COL5A3: variants seen among roughly 807,000 people sequenced by gnomAD.
COL5A3 encodes the protein collagen type V alpha 3 chain, also known as collagen alpha-3(V) chain.
Under a neutral mutation model 250.0 loss-of-function variants are expected in COL5A3, and 172 were observed. The observed-to-expected ratio is 0.69, with a 90% CI of 0.61 to 0.78. The LOEUF (loss-of-function observed/expected upper bound fraction) is 0.78, where lower values mean the gene tolerates loss of function less well. Among genes scored for constraint, COL5A3 ranks in the 30% least tolerant of loss-of-function variants. The pLI, the probability that COL5A3 is intolerant of heterozygous loss-of-function variation, is 0.00. For missense variants in COL5A3, 2,340 were observed against 2,334.4 expected, an observed-to-expected ratio of 1.00 and a Z score of -0.05; for synonymous variants, 937 against 900.4, an observed-to-expected ratio of 1.04 and a Z score of -0.73.
chr19:9,965,235 A>G (rs897120006), intron 64 of COL5A3, among the ~76,000 whole-genome samples: 2 of 148,906 alleles, frequency 1.3e-5, no homozygotes, highest in African/African-American at 4.9e-5. Context: ...GCTCACTGCA[A>G]GCTCCGCCTT....
At chr19:9,978,706 A>T in intron 40 of COL5A3, 79 bp from the exon 41 acceptor site, 1 of 1,029,222 alleles carries the variant, frequency 9.7e-7, no homozygotes, top group Non-Finnish European at 1.4e-6. Flanking sequence ...GGGAGCTCAC[A>T]GTCCCCACCT....
At position 10,001,870 on chromosome 19, in the gene COL5A3, G is replaced by A; in HGVS notation, c.861C>T (p.Asp287=). ...PDSAENQTST[D]IPKTETPAPN... ...GAGCTGGAGTCTCTGTCTTGGGGAT[G>A]TCAGTGGAGGTCTGGAGCAGGGATG... The change falls in exon 7 of 67, where the codon GAC becomes GAT. Residue 287 remains aspartate, a synonymous_variant. Transcript: ENST00000264828. 6.2e-7 allele frequency: 1 copy of A among 1,613,624 alleles called. No individual in the cohort carries two copies. The highest frequency in any genetic ancestry group is 8.5e-7 in the Non-Finnish European group (1 of 1,179,578).
In COL5A3 at chr19:9,960,133, G is replaced by C. The variant is rs563370293; in HGVS notation, c.*278C>G. On this transcript the variant is annotated 3_prime_UTR_variant, in exon 67 of 67. Coordinates refer to ENST00000264828, the MANE Select transcript of COL5A3 (RefSeq NM_015719.4). Reference sequence around the variant, plus strand: ...GAAGCTCATTGCATGGGGGTTCAAGGGGTGGGGAGGTGAGGCTTGGGTGGG... The same window carrying C: ...GAAGCTCATTGCATGGGGGTTCAAGCGGTGGGGAGGTGAGGCTTGGGTGGG... 8.3e-4 allele frequency: 408 copies of C among 492,428 alleles called. 2 individuals carry two copies. Among genetic ancestry groups the C allele is most frequent in the Non-Finnish European group, 1.2e-3 (333 of 271,238 alleles). The allele number at this position is 492,428 out of a possible 1,614,324, so 30.5% of individuals were successfully genotyped here. A position where few individuals can be genotyped will look rare whatever the true frequency, so the allele number is the denominator to read the frequency against.
intron 45 of COL5A3, among the ~76,000 whole-genome samples, chr19:9,974,641 T>G (rs34115713): frequency 0.2 from 29,876 of 152,002 alleles, 3,125 homozygotes; most frequent in South Asian, 0.32. Flanking sequence ...TGAGGTTCAG[T>G]TCTTGGGCAG....
rs57936080 is a variant in COL5A3, at chr19:9,980,618, TCACACACACA to T, written c.2604+20_2604+29del. On this transcript the variant is annotated intron_variant, in intron 35 of 66. Coordinates refer to ENST00000264828, the MANE Select transcript of COL5A3 (RefSeq NM_015719.4). ...CTCTCTCTCTCACACACACACACAT[TCACACACACA>T]CACACACACACACACTCACCTTTTC... 3 of 1,493,024 alleles carry T rather than the reference TCACACACACA, an allele frequency of 2.0e-6. No individual in the cohort carries two copies. Among genetic ancestry groups the T allele is most frequent in the Non-Finnish European group, 2.7e-6 (3 of 1,091,916 alleles). The allele number at this position is 1,493,024 out of a possible 1,614,324, so 92.5% of individuals were successfully genotyped here.
chr19:10,007,201 C>A (rs2087456131), intron 1 of COL5A3, among the ~76,000 whole-genome samples: 1 of 151,142 alleles, frequency 6.6e-6, no homozygotes, highest in African/African-American at 2.4e-5. Flanking sequence ...CCCCTCTGAC[C>A]TCCTCCCTCT....
Position 9,964,854 on chromosome 19 carries a change from TAAAAAAAAAAAAAAAAAAAAAAAAAAAAA to T in COL5A3, c.4782+1431_4782+1459del, listed in dbSNP as rs57037583. Among the ~76,000 whole-genome samples, 292 of 49,010 alleles carry T rather than the reference TAAAAAAAAAAAAAAAAAAAAAAAAAAAAA, an allele frequency of 6.0e-3. 3 individuals are homozygous for T. The highest frequency in any genetic ancestry group is 7.7e-3 in the Non-Finnish European group (224 of 29,260). The allele number at this position is 49,010 out of a possible 152,430, so 32.2% of individuals were successfully genotyped here. A position where few individuals can be genotyped will look rare whatever the true frequency, so the allele number is the denominator to read the frequency against. On this transcript the variant is annotated intron_variant, in intron 64 of 66. Coordinates refer to ENST00000264828, the MANE Select transcript of COL5A3 (RefSeq NM_015719.4). ...CAACGTAGTGAAACCCCATCTCTAC[TAAAAAAAAAAAAAAAAAAAAAAAAAAAAA>T]AAAAAAAAAAAAAAAATCAGCTGGG...
At chr19:9,996,592 G>A (rs1568427582) in intron 12 of COL5A3, 23 bp downstream of exon 12, 1 of 1,613,812 alleles carries the variant, frequency 6.2e-7, no homozygotes, top group Non-Finnish European at 8.5e-7. Flanking sequence ...CCCCAAGGCT[G>A]GGCCACTCCA....
intron 31 of COL5A3, among the ~76,000 whole-genome samples, chr19:9,983,157 G>A (rs1421404301): frequency 1.3e-5 from 2 of 152,026 alleles, no homozygotes; most frequent in East Asian, 2.0e-4. Flanking sequence ...CACCAACCTG[G>A]CCCCAACACT....
At chr19:9,989,207 T>TA (rs779206852) in intron 26 of COL5A3, 30 bp from the exon 27 acceptor site, 2 of 1,613,786 alleles carry the variant, frequency 1.2e-6, no homozygotes, top group East Asian at 4.5e-5. Flanking sequence ...AGTGCCATTC[T>TA]AGACAGTCCC....
In COL5A3 at chr19:9,989,308, T is replaced by C; in HGVS notation, c.2091+14A>G. ...CCCTCGTCCCCAACCCAGCCTAACC[T>C]CCTGGTCACTCACCTGAGCCCCTTT... On this transcript the variant is annotated intron_variant, in intron 26 of 66. Transcript: ENST00000264828. 1 of 1,614,104 alleles carries C rather than the reference T, an allele frequency of 6.2e-7. No individual in the cohort carries two copies. Among genetic ancestry groups the C allele is most frequent in the Non-Finnish European group, 8.5e-7 (1 of 1,179,998 alleles).
In COL5A3 at chr19:9,986,166, T is replaced by G. The variant is rs112317333; in HGVS notation, c.2352+149A>C. 678 of 634,396 alleles carry G rather than the reference T, an allele frequency of 1.1e-3. 2 individuals are homozygous for G. The highest frequency in any genetic ancestry group is 0.011 in the African/African-American group (581 of 54,570). The allele number at this position is 634,396 out of a possible 1,614,324, so 39.3% of individuals were successfully genotyped here. A position where few individuals can be genotyped will look rare whatever the true frequency, so the allele number is the denominator to read the frequency against. On this transcript the variant is annotated intron_variant, in intron 30 of 66. Transcript: ENST00000264828. ...GAACACATAAGTTGCATGCATTAAATTGCTCTGTAATGCTGAGCTGAGGAA... is the reference window on the plus strand; with the variant it reads ...GAACACATAAGTTGCATGCATTAAAGTGCTCTGTAATGCTGAGCTGAGGAA...
At position 9,964,322 on chromosome 19, in the gene COL5A3, G is replaced by A. The variant is rs370997593; in HGVS notation, c.4783-1435C>T. ...CTGTCTATAAAAATTAGAATAGACCGGGTGTGGTGGTTTATGCCTATAATC... is the reference window on the plus strand; with the variant it reads ...CTGTCTATAAAAATTAGAATAGACCAGGTGTGGTGGTTTATGCCTATAATC... On this transcript the variant is annotated intron_variant, in intron 64 of 66. Transcript: ENST00000264828. 7.8e-4 allele frequency among the ~76,000 whole-genome samples: 119 copies of A among 152,062 alleles called. 3 individuals are homozygous for A. The South Asian group carries it at 0.019, about 25-fold the overall frequency.
At chr19:9,975,721 T>C (rs1168573954) in intron 45 of COL5A3, among the ~76,000 whole-genome samples, 2 of 151,748 alleles carry the variant, frequency 1.3e-5, no homozygotes, top group African/African-American at 4.8e-5. Flanking sequence ...TGAGTTCACA[T>C]TGGGTGCTGG....
chr19:10,003,386 A>G (rs1048976661), intron 6 of COL5A3, among the ~76,000 whole-genome samples, 179 bp downstream of exon 6: 1 of 151,784 alleles, frequency 6.6e-6, no homozygotes, highest in African/African-American at 2.4e-5. Context: ...GACAGTCATC[A>G]GTCAGCTGAG....
intron 41 of COL5A3, among the ~76,000 whole-genome samples, chr19:9,977,989 T>G (rs1044905405): frequency 7.0e-6 from 1 of 143,518 alleles, no homozygotes; most frequent in Admixed American, 7.0e-5. Context: ...TATATATTTG[T>G]AGAGACAGGA....
chr19:9,980,736 C>T, intron 34 of COL5A3, 44 bp from the exon 35 acceptor site: 1 of 1,614,118 alleles, frequency 6.2e-7, no homozygotes, highest in Non-Finnish European at 8.5e-7. Context: ...ACAAACTCAA[C>T]TGGGAAGAAT....
At chr19:9,983,518 G>A (rs1453417152) in intron 31 of COL5A3, among the ~76,000 whole-genome samples, 3 of 119,282 alleles carry the variant, frequency 2.5e-5, no homozygotes, top group African/African-American at 6.3e-5. Context: ...AAGCAAGCAA[G>A]CAAAAAGAAA....
intron 21 of COL5A3, 47 bp from the exon 22 acceptor site, chr19:9,992,095 A>T: frequency 1.3e-6 from 2 of 1,572,136 alleles, no homozygotes; most frequent in Non-Finnish European, 1.7e-6. Context: ...ACAAGCTGGG[A>T]GCCTGAGTCT....
Sources: gnomAD v4.1 joint callset for allele counts (sites outside exome capture counted in the v4.1 genomes callset) on GRCh38, gnomAD v4.1.1 for gene constraint, MANE v1.5 for transcripts, NCBI Gene and HGNC (gene_info 2026-07-23, HGNC 2026-07-21) for gene names.